Variants in WNK3 observed in about 807,000 individuals in gnomAD.
WNK3 encodes WNK lysine deficient protein kinase 3.
A neutral mutation model predicts 116.7 loss-of-function variants in WNK3; 18 were observed. The ratio of observed to expected loss-of-function variants is 0.15; its 90% CI spans 0.11 to 0.23. The LOEUF is 0.23. Ranked by LOEUF, WNK3 falls within the 10% of genes least tolerant of loss-of-function variation. The pLI is 1.00. For synonymous variants in WNK3, 404 were observed against 469.4 expected (o/e 0.86, Z 1.80); for missense variants, 993 against 1,323.8 (o/e 0.75, Z 3.88).
Position 54,226,094 on chromosome X carries a change from C to CAAAA in WNK3, c.4870+2619_4870+2620insTTTT, listed in dbSNP as rs2067833214. Among the ~76,000 whole-genome samples the CAAAA allele has an allele frequency of 5.0e-4, 6 of 11,995 alleles. 1 individual carries two copies. The highest frequency in any genetic ancestry group is 2.4e-3 in the Non-Finnish European group (4 of 1,633). 10.4% of individuals were successfully genotyped at this position (11,995 alleles called of 115,157 possible). A position where few individuals can be genotyped will look rare whatever the true frequency, so the allele number is the denominator to read the frequency against. On this transcript the variant is annotated intron_variant, in intron 22 of 23. Transcript: ENST00000354646. ...CTAGGACAAGGAGATATCCACATAC[C>CAAAA]CAAAAAAAAAAAAAAAAAAAAAAAA...
exon 24 of WNK3, chrX:54,195,940 T>C (rs2067438182): frequency 9.0e-6 from 1 of 111,301 alleles, no homozygotes; most frequent in Non-Finnish European, 1.9e-5. Context: ...CATGTAATTG[T>C]ACATGTCAGC....
chrX:54,220,181 A>G (rs2067746024), intron 22 of WNK3, among the ~76,000 whole-genome samples: 1 of 112,275 alleles, frequency 8.9e-6, no homozygotes, highest in African/African-American at 3.2e-5. Context: ...AAGGAACTTT[A>G]TACTTTCAAT....
intron 1 of WNK3, among the ~76,000 whole-genome samples, chrX:54,336,983 A>C (rs782513027): frequency 1.5e-4 from 17 of 111,540 alleles, no homozygotes; most frequent in African/African-American, 5.2e-4. Context: ...TCACTTAATA[A>C]GACTAGTATT....
At chrX:54,233,419 CAGAG>C (rs1308379425) in intron 20 of WNK3, among the ~76,000 whole-genome samples, 1 of 80,741 alleles carries the variant, frequency 1.2e-5, no homozygotes, top group Non-Finnish European at 2.2e-5. Flanking sequence ...GACTGGGTGA[CAGAG>C]AGAGACCCTG....
chrX:54,241,720 A>G (rs1014221611), intron 17 of WNK3, among the ~76,000 whole-genome samples: 1 of 111,132 alleles, frequency 9.0e-6, no homozygotes, highest in Non-Finnish European at 1.9e-5. Context: ...TTGGGAGGCT[A>G]AGGCGGGTGG....
chrX:54,347,964 T>A (rs2069459539), intron 1 of WNK3, among the ~76,000 whole-genome samples: 1 of 110,313 alleles, frequency 9.1e-6, no homozygotes, highest in Non-Finnish European at 1.9e-5. Context: ...TCCTTCACTA[T>A]CTACACAAAA....
chrX:54,249,780 A>C, intron 16 of WNK3, 146 bp from the exon 17 acceptor site: 1 of 736,608 alleles, frequency 1.4e-6, no homozygotes, highest in South Asian at 3.0e-5. Flanking sequence ...AAAACACAGA[A>C]TTCAACCTGT....
chrX:54,264,568 A>G (rs2068289943), intron 10 of WNK3, among the ~76,000 whole-genome samples: 1 of 111,127 alleles, frequency 9.0e-6, no homozygotes, highest in African/African-American at 3.3e-5. Flanking sequence ...GGCCAAAATG[A>G]TGAAAACATA....
chrX:54,240,891 T>C (rs1038975917), intron 17 of WNK3, among the ~76,000 whole-genome samples: 1 of 111,653 alleles, frequency 9.0e-6, no homozygotes, highest in Admixed American at 9.6e-5. Flanking sequence ...GACTACCATA[T>C]ATAGGTTTAG....
At chrX:54,209,335 A>T (rs1012787748) in intron 22 of WNK3, among the ~76,000 whole-genome samples, 2 of 107,216 alleles carry the variant, frequency 1.9e-5, no homozygotes, top group African/African-American at 6.8e-5. Context: ...AGGCAGGAGA[A>T]TCACTTGAAC....
intron 23 of WNK3, among the ~76,000 whole-genome samples, chrX:54,198,871 C>T: frequency 9.1e-6 from 1 of 110,329 alleles, no homozygotes; most frequent in African/African-American, 3.3e-5. Context: ...TTAATTAATG[C>T]CATCTTCATA....
chrX:54,297,955 C>G (rs1367601450), intron 7 of WNK3, among the ~76,000 whole-genome samples: 1 of 110,129 alleles, frequency 9.1e-6, no homozygotes, highest in Non-Finnish European at 1.9e-5. Context: ...CTCCTGTAGT[C>G]CCAGCTACTC....
At chrX:54,313,208 G>C (rs182959923) in intron 2 of WNK3, among the ~76,000 whole-genome samples, 1 of 111,274 alleles carries the variant, frequency 9.0e-6, no homozygotes, top group Admixed American at 9.7e-5. Context: ...ATTGAGTAAT[G>C]CAAGTACAAA....
At chrX:54,255,437 C>A (rs2068181314) in intron 12 of WNK3, among the ~76,000 whole-genome samples, 1 of 111,733 alleles carries the variant, frequency 8.9e-6, no homozygotes, top group Admixed American at 9.5e-5. Flanking sequence ...ATTACTAGTA[C>A]TATTACAACC....
At chrX:54,258,490 C>T (rs2068221556) in intron 11 of WNK3, among the ~76,000 whole-genome samples, 1 of 108,039 alleles carries the variant, frequency 9.3e-6, no homozygotes, top group Non-Finnish European at 1.9e-5. Context: ...TACATCACCA[C>T]ACCTGGCTAA....
intron 17 of WNK3, among the ~76,000 whole-genome samples, chrX:54,241,075 G>A (rs1453073244): frequency 9.0e-6 from 1 of 111,592 alleles, no homozygotes; most frequent in African/African-American, 3.3e-5. Flanking sequence ...AAGGGCAGCA[G>A]AGGCATGCGC....
intron 10 of WNK3, among the ~76,000 whole-genome samples, chrX:54,287,802 T>C (rs2068596479): frequency 8.9e-6 from 1 of 111,814 alleles, no homozygotes; most frequent in Non-Finnish European, 1.9e-5. Flanking sequence ...AAGTGCTGTA[T>C]CTATTATAGT....
At chrX:54,213,432 TA>T (rs1255895380) in intron 22 of WNK3, among the ~76,000 whole-genome samples, 3 of 106,671 alleles carry the variant, frequency 2.8e-5, no homozygotes, top group Non-Finnish European at 5.8e-5. Context: ...TGGGCGCCTG[TA>T]ATCTCTGCTA....
intron 10 of WNK3, among the ~76,000 whole-genome samples, chrX:54,269,586 G>C (rs782020750): frequency 9.9e-5 from 11 of 111,505 alleles, no homozygotes; most frequent in Non-Finnish European, 2.1e-4. Context: ...CAAGAGAAAT[G>C]AGTGCATATA....
Sources: allele counts gnomAD v4.1 joint callset (sites outside exome capture counted in the v4.1 genomes callset), GRCh38; gene constraint gnomAD v4.1.1; transcripts MANE v1.5; gene names NCBI Gene and HGNC (gene_info 2026-07-23, HGNC 2026-07-21).